Variants in CAMK2D observed in about 807,000 individuals in gnomAD.
The protein encoded by CAMK2D is calcium/calmodulin-dependent protein kinase type II subunit delta.
Under a neutral mutation model 84.0 loss-of-function variants are expected in CAMK2D, and 37 were observed. That is an observed-to-expected ratio of 0.44 (90% CI 0.34 to 0.58). The LOEUF is 0.58. CAMK2D is among the 20% of genes least tolerant of loss of function. CAMK2D has a pLI of 0.02. For synonymous variants in CAMK2D, 202 were observed against 212.5 expected (o/e 0.95, Z 0.43); for missense variants, 448 against 652.5 (o/e 0.69, Z 3.41).
At chr4:113,490,780 A>G (rs1337481623) in intron 16 of CAMK2D, among the ~76,000 whole-genome samples, 4 of 135,628 alleles carry the variant, frequency 2.9e-5, no homozygotes, top group African/African-American at 5.9e-5. Flanking sequence ...ATGAGCATGG[A>G]ATGTTCTTCC....
At chr4:113,678,879 A>G (rs1314331095) in intron 2 of CAMK2D, among the ~76,000 whole-genome samples, 1 of 152,172 alleles carries the variant, frequency 6.6e-6, no homozygotes, top group African/African-American at 2.4e-5. Context: ...CTTTCATAAA[A>G]TGAACACACA....
intron 3 of CAMK2D, among the ~76,000 whole-genome samples, chr4:113,621,130 T>C (rs1327270036): frequency 1.3e-5 from 2 of 152,206 alleles, no homozygotes; most frequent in East Asian, 3.9e-4. Flanking sequence ...CTACGTTGTC[T>C]TGGCTTGTGA....
At chr4:113,645,165 C>A (rs1231760308) in intron 3 of CAMK2D, among the ~76,000 whole-genome samples, 1 of 152,012 alleles carries the variant, frequency 6.6e-6, no homozygotes, top group Non-Finnish European at 1.5e-5. Context: ...TACAGGCGCC[C>A]GCCACCACGC....
intron 4 of CAMK2D, among the ~76,000 whole-genome samples, chr4:113,598,890 A>T (rs1227995463): frequency 2.6e-5 from 4 of 152,138 alleles, no homozygotes; most frequent in Non-Finnish European, 5.9e-5. Context: ...CTGGTCTCAA[A>T]TTCTTGACTC....
chr4:113,600,533 A>T (rs932412294), intron 4 of CAMK2D, among the ~76,000 whole-genome samples: 2 of 152,214 alleles, frequency 1.3e-5, no homozygotes, highest in African/African-American at 4.8e-5. Context: ...ATAGTCCACA[A>T]TATTTTATCT....
intron 2 of CAMK2D, among the ~76,000 whole-genome samples, chr4:113,683,495 CA>C (rs1175865330): frequency 6.6e-6 from 1 of 152,096 alleles, no homozygotes; most frequent in African/African-American, 2.4e-5. Flanking sequence ...AAAGAAGCAC[CA>C]AAACCGGAGT....
intron 4 of CAMK2D, among the ~76,000 whole-genome samples, chr4:113,578,411 C>A (rs11731896): frequency 6.6e-6 from 1 of 151,982 alleles, no homozygotes; most frequent in African/African-American, 2.4e-5. Context: ...AGGTTAATGA[C>A]CAAGCCACAC....
chr4:113,741,747 G>T (rs1312557585), intron 2 of CAMK2D, among the ~76,000 whole-genome samples: 1 of 152,042 alleles, frequency 6.6e-6, no homozygotes, highest in Non-Finnish European at 1.5e-5. Context: ...CCTTAACTTG[G>T]CTAAAAGACT....
chr4:113,565,801 G>C (rs752584004), intron 4 of CAMK2D, among the ~76,000 whole-genome samples: 2 of 152,064 alleles, frequency 1.3e-5, no homozygotes, highest in African/African-American at 2.4e-5. Context: ...GTTGAAACAT[G>C]GAGAAAAGAC....
chr4:113,722,904 G>GGAGA (rs929451530), intron 2 of CAMK2D, among the ~76,000 whole-genome samples: 1 of 151,916 alleles, frequency 6.6e-6, no homozygotes, highest in Non-Finnish European at 1.5e-5. Flanking sequence ...AAGTGAAGTA[G>GGAGA]GAGAGAGAGA....
At chr4:113,587,674 T>C (rs1591592390) in intron 4 of CAMK2D, among the ~76,000 whole-genome samples, 1 of 152,182 alleles carries the variant, frequency 6.6e-6, no homozygotes, top group African/African-American at 2.4e-5. Flanking sequence ...TAAGTGTATA[T>C]GGAAAGTGTT....
At chr4:113,705,188 G>A (rs1023630470) in intron 2 of CAMK2D, among the ~76,000 whole-genome samples, 13 of 151,250 alleles carry the variant, frequency 8.6e-5, no homozygotes, top group African/African-American at 2.4e-4. Context: ...TTAGCCGGGC[G>A]TGGAGGCAGG....
At chr4:113,591,363 A>G (rs1221280455) in intron 4 of CAMK2D, among the ~76,000 whole-genome samples, 4 of 152,318 alleles carry the variant, frequency 2.6e-5, no homozygotes, top group South Asian at 2.1e-4. Flanking sequence ...AATGTTCTAA[A>G]TAGAAGGCTT....
intron 2 of CAMK2D, among the ~76,000 whole-genome samples, chr4:113,696,632 G>A (rs888546749): frequency 7.9e-5 from 12 of 151,950 alleles, no homozygotes; most frequent in African/African-American, 2.4e-4. Flanking sequence ...TCTTCATCAC[G>A]GATGAGATAA....
rs866386276 is a variant in CAMK2D at position 113,581,531 on chromosome 4, A to G, written c.275+27621T>C. Among the ~76,000 whole-genome samples the G allele has an allele frequency of 8.0e-4, 113 of 141,382 alleles. 2 individuals carry two copies. In the South Asian group the frequency reaches 0.017, roughly 21 times the overall value. The allele number at this position is 141,382 out of a possible 152,430, so 92.8% of individuals were successfully genotyped here. A position where few individuals can be genotyped will look rare whatever the true frequency, so the allele number is the denominator to read the frequency against. ...TTTCTCATAAAAAAAAAAAAAAAAA[A>G]AAGAAAAGAAAAGAAAAGAAAAAGA... On this transcript the variant is annotated intron_variant, in intron 4 of 20. Coordinates refer to ENST00000511664, the MANE Select transcript of CAMK2D (RefSeq NM_001321571.2).
intron 2 of CAMK2D, among the ~76,000 whole-genome samples, chr4:113,669,285 T>C (rs2099270096): frequency 6.6e-6 from 1 of 152,244 alleles, no homozygotes; most frequent in African/African-American, 2.4e-5. Context: ...TGTCTGATTA[T>C]ATAAACTATC....
intron 16 of CAMK2D, among the ~76,000 whole-genome samples, chr4:113,490,005 T>C (rs1363828725): frequency 6.6e-6 from 1 of 152,028 alleles, no homozygotes; most frequent in African/African-American, 2.4e-5. Flanking sequence ...TTTTTTCTTG[T>C]AAATGTGTTT....
At chr4:113,574,273 A>C (rs1478973350) in intron 4 of CAMK2D, among the ~76,000 whole-genome samples, 1 of 152,086 alleles carries the variant, frequency 6.6e-6, no homozygotes, top group Non-Finnish European at 1.5e-5. Flanking sequence ...TCAATCTCCC[A>C]ATTCACCTCT....
chr4:113,500,414 T>TA, intron 16 of CAMK2D, 49 bp downstream of exon 16: 1 of 1,151,782 alleles, frequency 8.7e-7, no homozygotes, highest in Non-Finnish European at 1.3e-6. Flanking sequence ...TTTTCATATA[T>TA]ATATGTGAAG....
Sources: gnomAD v4.1 joint callset for allele counts (sites outside exome capture counted in the v4.1 genomes callset) on GRCh38, gnomAD v4.1.1 for gene constraint, MANE v1.5 for transcripts, NCBI Gene and HGNC (gene_info 2026-07-23, HGNC 2026-07-21) for gene names.